HSD17B3: variants seen among roughly 807,000 people sequenced by gnomAD.
HSD17B3 encodes hydroxysteroid 17-beta dehydrogenase 3.
HSD17B3 carries 29 observed loss-of-function variants against 41.1 expected under a neutral mutation model. That is an observed-to-expected ratio of 0.71 (90% CI 0.53 to 0.96). The LOEUF is 0.96. Ranked by LOEUF, HSD17B3 falls within the 40% of genes least tolerant of loss-of-function variation. The pLI, the probability that HSD17B3 is intolerant of heterozygous loss-of-function variation, is 0.00. For synonymous variants in HSD17B3, 126 were observed against 145.6 expected (o/e 0.87, Z 0.97); for missense variants, 323 against 374.6 (o/e 0.86, Z 1.14).
At chr9:96,243,346 G>A (rs991789888) in intron 9 of HSD17B3, among the ~76,000 whole-genome samples, 10 of 152,158 alleles carry the variant, frequency 6.6e-5, no homozygotes, top group African/African-American at 1.7e-4. Context: ...ACTGTGACCC[G>A]GTGGCAAGGC....
intron 10 of HSD17B3, among the ~76,000 whole-genome samples, chr9:96,238,161 G>A (rs937301295): frequency 6.6e-6 from 1 of 151,982 alleles, no homozygotes; most frequent in Admixed American, 6.6e-5. Context: ...CTTTGACCCT[G>A]TGTCAAGATA....
At chr9:96,250,033 G>C in intron 5 of HSD17B3, 1 of 1,427,176 alleles carries the variant, frequency 7.0e-7, no homozygotes, top group Non-Finnish European at 9.1e-7. Context: ...GAGTTTCCTG[G>C]AAAACTCGGA....
intron 2 of HSD17B3, among the ~76,000 whole-genome samples, chr9:96,258,409 A>T (rs1825744045): frequency 6.6e-6 from 1 of 152,186 alleles, no homozygotes; most frequent in African/African-American, 2.4e-5. Context: ...TCATTTGCTC[A>T]ATTCTCATGT....
chr9:96,246,521 C>T (rs375871771), intron 7 of HSD17B3, 35 bp downstream of exon 7: 28 of 1,607,476 alleles, frequency 1.7e-5, no homozygotes, highest in Non-Finnish European at 2.2e-5. Flanking sequence ...GCAGGGAGGC[C>T]ATGTTGCTCC....
chr9:96,272,411 A>C (rs369355862), intron 2 of HSD17B3, among the ~76,000 whole-genome samples: 3,738 of 9,544 alleles, frequency 0.39, 297 homozygotes, highest in Non-Finnish European at 0.42. Context: ...CTCTCTATAT[A>C]TATATATATA....
intron 2 of HSD17B3, among the ~76,000 whole-genome samples, chr9:96,276,729 T>C (rs902959316): frequency 5.9e-5 from 9 of 152,274 alleles, no homozygotes; most frequent in Admixed American, 3.9e-4. Context: ...GTGGAACTTA[T>C]CTCACACCGT....
intron 8 of HSD17B3, 87 bp from the exon 9 acceptor site, chr9:96,244,481 A>G: frequency 8.4e-7 from 1 of 1,194,802 alleles, no homozygotes; most frequent in Non-Finnish European, 1.3e-6. Flanking sequence ...GGCACTGCAG[A>G]CACACTACCT....
At chr9:96,260,714 G>A (rs1005682404) in intron 2 of HSD17B3, among the ~76,000 whole-genome samples, 1 of 152,068 alleles carries the variant, frequency 6.6e-6, no homozygotes, top group Non-Finnish European at 1.5e-5. Flanking sequence ...GTAGTGAGCC[G>A]AGATCGCACC....
At chr9:96,296,759 C>T (rs188180127) in intron 2 of HSD17B3, among the ~76,000 whole-genome samples, 51 of 152,192 alleles carry the variant, frequency 3.4e-4, no homozygotes, top group South Asian at 1.9e-3. Flanking sequence ...TCAGGGTTTT[C>T]GGCAGGCTGC....
intron 2 of HSD17B3, among the ~76,000 whole-genome samples, chr9:96,258,577 T>G (rs1419633437): frequency 2.6e-5 from 4 of 152,208 alleles, no homozygotes; most frequent in Non-Finnish European, 4.4e-5. Flanking sequence ...AGCTGACCCC[T>G]CCTATACAAT....
chr9:96,258,906 A>G (rs1465354641), intron 2 of HSD17B3, among the ~76,000 whole-genome samples: 2 of 152,208 alleles, frequency 1.3e-5, no homozygotes, highest in Non-Finnish European at 2.9e-5. Flanking sequence ...GTTTAACACA[A>G]AAGAAGTCTG....
At chr9:96,240,660 G>A in intron 10 of HSD17B3, 98 bp downstream of exon 10, 2 of 1,217,616 alleles carry the variant, frequency 1.6e-6, no homozygotes, top group Admixed American at 1.7e-5. Context: ...ACGCATCAAT[G>A]AGTGCTCCAG....
chr9:96,252,768 A>G (rs377219371), intron 4 of HSD17B3, 35 bp downstream of exon 4: 4 of 1,079,304 alleles, frequency 3.7e-6, no homozygotes, highest in Non-Finnish European at 5.8e-6. Flanking sequence ...TCACTGATGT[A>G]TGACAACAAG....
chr9:96,249,314 A>C (rs751670018), intron 6 of HSD17B3, among the ~76,000 whole-genome samples: 9 of 152,218 alleles, frequency 5.9e-5, no homozygotes, highest in Non-Finnish European at 1.0e-4. Flanking sequence ...AACACAGATG[A>C]ATTTGAGCTT....
chr9:96,300,250 A>ACACACACACACG (rs747577630), intron 1 of HSD17B3, among the ~76,000 whole-genome samples: 4 of 151,122 alleles, frequency 2.6e-5, no homozygotes, highest in Non-Finnish European at 4.4e-5. Context: ...ACACACACAC[A>ACACACACACACG]CACGCACACA....
At chr9:96,293,204 C>T (rs1045030276) in intron 2 of HSD17B3, among the ~76,000 whole-genome samples, 2 of 152,212 alleles carry the variant, frequency 1.3e-5, no homozygotes, top group Non-Finnish European at 2.9e-5. Flanking sequence ...TACCCAGCTA[C>T]TCCATCAAAC....
intron 2 of HSD17B3, among the ~76,000 whole-genome samples, chr9:96,284,877 C>G (rs1031765582): frequency 6.8e-6 from 1 of 146,870 alleles, no homozygotes; most frequent in Non-Finnish European, 1.5e-5. Flanking sequence ...CTTGCTCTGT[C>G]GACCAGGCTG....
At chr9:96,260,416 C>T (rs1217145140) in intron 2 of HSD17B3, among the ~76,000 whole-genome samples, 1 of 152,158 alleles carries the variant, frequency 6.6e-6, no homozygotes, top group Non-Finnish European at 1.5e-5. Flanking sequence ...ATCTAACCAG[C>T]CCCTTGTCTT....
Position 96,251,091 on chromosome 9 carries a change from T to C in HSD17B3, c.453+327A>G, listed in dbSNP as rs546683211. 143 of 327,130 alleles carry C rather than the reference T, an allele frequency of 4.4e-4. No individual in the cohort carries two copies. In the South Asian group the frequency reaches 6.7e-3, roughly 15 times the overall value. 20.3% of individuals were successfully genotyped at this position (327,130 alleles called of 1,614,324 possible). ...GCCAAAGAGCTGGTCTTCTCCCATA[T>C]ATGTTCACAGCTGCGAATGTGTTAG... On this transcript the variant is annotated intron_variant, in intron 5 of 10. Coordinates refer to ENST00000375263, the MANE Select transcript of HSD17B3 (RefSeq NM_000197.2).
Sources: allele counts gnomAD v4.1 joint callset (sites outside exome capture counted in the v4.1 genomes callset), GRCh38; gene constraint gnomAD v4.1.1; transcripts MANE v1.5; gene names NCBI Gene and HGNC (gene_info 2026-07-23, HGNC 2026-07-21).